Variants in CTNNA3 observed in about 807,000 individuals in gnomAD.
The protein encoded by CTNNA3 is catenin alpha-3.
Under a neutral mutation model 95.7 loss-of-function variants are expected in CTNNA3, and 76 were observed. The ratio of observed to expected loss-of-function variants is 0.79; its 90% confidence interval spans 0.66 to 0.96. CTNNA3 has a LOEUF of 0.96. CTNNA3 is among the 40% of genes least tolerant of loss of function. The pLI, the probability that CTNNA3 is intolerant of heterozygous loss-of-function variation, is 0.00. For synonymous variants in CTNNA3, 431 were observed against 374.4 expected, an observed-to-expected ratio of 1.15 and a Z score of -1.74; for missense variants, 1,191 against 1,089.8, an observed-to-expected ratio of 1.09 and a Z score of -1.31.
intron 1 of CTNNA3, among the ~76,000 whole-genome samples, chr10:67,677,702 G>A (rs779447623): frequency 2.0e-5 from 3 of 152,094 alleles, no homozygotes; most frequent in Non-Finnish European, 4.4e-5. Flanking sequence ...AAGATTTTGA[G>A]TCGCAGAAAT....
At chr10:66,191,658 A>G (rs545035515) in intron 13 of CTNNA3, among the ~76,000 whole-genome samples, 62 of 150,896 alleles carry the variant, frequency 4.1e-4, no homozygotes, top group African/African-American at 1.5e-3. Flanking sequence ...GTATATCTCT[A>G]TTCCTGACTT....
At chr10:67,559,796 G>A (rs1326670132) in intron 3 of CTNNA3, among the ~76,000 whole-genome samples, 2 of 152,162 alleles carry the variant, frequency 1.3e-5, no homozygotes, top group African/African-American at 4.8e-5. Context: ...GCTTAAAGGA[G>A]CTAATGGAGC....
intron 7 of CTNNA3, among the ~76,000 whole-genome samples, chr10:66,986,254 T>C (rs1235917098): frequency 2.0e-5 from 3 of 152,062 alleles, no homozygotes; most frequent in Non-Finnish European, 4.4e-5. Context: ...TCCCAAGGCT[T>C]TGAGAGGCCG....
intron 5 of CTNNA3, among the ~76,000 whole-genome samples, chr10:67,472,127 C>T (rs1451864177): frequency 6.6e-6 from 1 of 152,172 alleles, no homozygotes; most frequent in African/African-American, 2.4e-5. Flanking sequence ...AGTTTCACTG[C>T]ATAGATTCAC....
chr10:66,235,920 AC>A (rs2089833994), intron 13 of CTNNA3, among the ~76,000 whole-genome samples: 1 of 152,154 alleles, frequency 6.6e-6, no homozygotes, highest in Non-Finnish European at 1.5e-5. Flanking sequence ...GGATGATTTG[AC>A]TAAAAACATT....
intron 10 of CTNNA3, among the ~76,000 whole-genome samples, chr10:66,619,648 C>T (rs1164939153): frequency 6.7e-6 from 1 of 148,266 alleles, no homozygotes; most frequent in Non-Finnish European, 1.5e-5. Context: ...ACCAGCATGG[C>T]ACATTTATAC....
intron 13 of CTNNA3, among the ~76,000 whole-genome samples, chr10:66,237,856 G>C (rs1297697031): frequency 2.0e-5 from 3 of 152,060 alleles, no homozygotes; most frequent in Non-Finnish European, 4.4e-5. Flanking sequence ...TTATGGTACA[G>C]TGGGTTTATC....
At chr10:66,548,436 C>T (rs182134481) in intron 10 of CTNNA3, among the ~76,000 whole-genome samples, 121 of 152,146 alleles carry the variant, frequency 8.0e-4, no homozygotes, top group Non-Finnish European at 1.3e-3. Context: ...TTCTTTTTCT[C>T]ATATTTCATC....
chr10:66,029,670 T>C (rs2079411986), intron 15 of CTNNA3, among the ~76,000 whole-genome samples: 1 of 152,166 alleles, frequency 6.6e-6, no homozygotes, highest in African/African-American at 2.4e-5. Flanking sequence ...ATCCTTATTA[T>C]TTGTCTCTGT....
chr10:66,111,364 T>C (rs893478653), intron 13 of CTNNA3, among the ~76,000 whole-genome samples: 1 of 152,188 alleles, frequency 6.6e-6, no homozygotes, highest in African/African-American at 2.4e-5. Context: ...GTCTCTTTTA[T>C]TTATAAATTA....
intron 2 of CTNNA3, among the ~76,000 whole-genome samples, chr10:67,607,409 C>G (rs1167152591): frequency 2.0e-5 from 3 of 151,870 alleles, no homozygotes; most frequent in Admixed American, 2.0e-4. Context: ...AATAAATCAA[C>G]AAGTAGAAAT....
At chr10:66,046,720 T>C (rs184487731) in intron 15 of CTNNA3, among the ~76,000 whole-genome samples, 1 of 152,132 alleles carries the variant, frequency 6.6e-6, no homozygotes, top group Admixed American at 6.5e-5. Flanking sequence ...TAGGCTATTA[T>C]ACCTAGACAA....
intron 12 of CTNNA3, among the ~76,000 whole-genome samples, chr10:66,322,240 C>G (rs2092198460): frequency 6.6e-6 from 1 of 152,088 alleles, no homozygotes; most frequent in Non-Finnish European, 1.5e-5. Flanking sequence ...AGCCTGCCAG[C>G]CATAAACTAT....
intron 7 of CTNNA3, among the ~76,000 whole-genome samples, chr10:67,178,311 G>A (rs1344125699): frequency 1.3e-5 from 2 of 151,892 alleles, no homozygotes; most frequent in Non-Finnish European, 2.9e-5. Context: ...ACCTTTCATA[G>A]GTCATAGTCT....
intron 15 of CTNNA3, among the ~76,000 whole-genome samples, chr10:66,033,707 G>A (rs768868412): frequency 5.9e-5 from 9 of 152,006 alleles, no homozygotes; most frequent in Admixed American, 1.3e-4. Context: ...GCTTGGAATG[G>A]AAGAACTCTG....
intron 13 of CTNNA3, among the ~76,000 whole-genome samples, chr10:66,209,183 G>A (rs79026353): frequency 0.016 from 2,509 of 152,130 alleles, 106 homozygotes; most frequent in East Asian, 0.11. Flanking sequence ...TTTCTGCCAT[G>A]AGTCACACAT....
chr10:66,508,332 AG>A (rs1278088747), intron 11 of CTNNA3, among the ~76,000 whole-genome samples: 2 of 151,456 alleles, frequency 1.3e-5, no homozygotes, highest in African/African-American at 4.9e-5. Flanking sequence ...GATCCTATTT[AG>A]AAACGGCGTT....
intron 10 of CTNNA3, among the ~76,000 whole-genome samples, chr10:66,561,858 C>G (rs1197966000): frequency 2.0e-5 from 3 of 151,930 alleles, no homozygotes; most frequent in Non-Finnish European, 4.4e-5. Flanking sequence ...TTCACATTAT[C>G]CTACATGATT....
chr10:67,324,842 T>C (rs556245437), intron 5 of CTNNA3, among the ~76,000 whole-genome samples: 1 of 152,144 alleles, frequency 6.6e-6, no homozygotes, highest in Non-Finnish European at 1.5e-5. Flanking sequence ...GTACATGTGG[T>C]AGAATTCAGC....
Sources: allele counts gnomAD v4.1 joint callset (sites outside exome capture counted in the v4.1 genomes callset), GRCh38; gene constraint gnomAD v4.1.1; transcripts MANE v1.5; gene names NCBI Gene and HGNC (gene_info 2026-07-23, HGNC 2026-07-21).